The following COMMD10 variants were observed in gnomAD, a reference collection of about 807,000 sequenced individuals.
The protein encoded by COMMD10 is COMM domain containing 10, also known as COMM domain-containing protein 10.
COMMD10 carries 33 observed loss-of-function variants against 28.9 expected under a neutral mutation model. The ratio of observed to expected loss-of-function variants is 1.14; its 90% CI spans 0.87 to 1.53. The LOEUF (loss-of-function observed/expected upper bound fraction) is 1.53, where lower values mean the gene tolerates loss of function less well. Among genes scored for constraint, COMMD10 ranks in the 40% most tolerant of loss-of-function variants. COMMD10 has a pLI of 0.00. For synonymous variants in COMMD10, 110 were observed against 81.7 expected (o/e 1.35, Z -1.87); for missense variants, 310 against 233.4 (o/e 1.33, Z -2.14).
chr5:116,272,537 A>G (rs1469791607), intron 5 of COMMD10, among the ~76,000 whole-genome samples: 1 of 151,692 alleles, frequency 6.6e-6, no homozygotes, highest in Non-Finnish European at 1.5e-5. Flanking sequence ...ATCCCAGAAC[A>G]CTGTTGCCAT....
At chr5:116,104,130 G>A (rs1197778671) in intron 4 of COMMD10, among the ~76,000 whole-genome samples, 1 of 152,260 alleles carries the variant, frequency 6.6e-6, no homozygotes, top group East Asian at 1.9e-4. Context: ...GGCTATGTGG[G>A]CTCCTTTTGG....
Position 116,085,031 on chromosome 5 carries a change from C to G in COMMD10, c.-22C>G. 1 of 1,602,568 alleles carries G rather than the reference C, an allele frequency of 6.2e-7. No individual in the cohort carries two copies. The highest frequency in any genetic ancestry group is 2.3e-5 in the East Asian group (1 of 44,390). On this transcript the variant is annotated 5_prime_UTR_variant, in exon 1 of 7. Transcript: ENST00000274458. ...TGGGTTCGGCGCAGCTAACAGACGG[C>G]GGCAGTGCGAGAAAGCCGAAGATGG... is the stretch of plus-strand genomic sequence containing the variant.
intron 5 of COMMD10, among the ~76,000 whole-genome samples, chr5:116,156,507 C>T (rs766647610): frequency 2.0e-4 from 30 of 152,240 alleles, no homozygotes; most frequent in African/African-American, 7.2e-4. Flanking sequence ...CAGGTTCTTA[C>T]AACACCATTA....
chr5:116,223,685 G>T (rs947441739), intron 5 of COMMD10, among the ~76,000 whole-genome samples: 9 of 152,148 alleles, frequency 5.9e-5, no homozygotes, highest in African/African-American at 2.2e-4. Flanking sequence ...GAATGTTATT[G>T]GAGTGTAGGA....
intron 5 of COMMD10, among the ~76,000 whole-genome samples, chr5:116,282,581 A>C (rs1304945224): frequency 6.6e-6 from 1 of 151,890 alleles, no homozygotes; most frequent in African/African-American, 2.4e-5. Context: ...ACAAAGTAAC[A>C]CAAACGAGGT....
intron 5 of COMMD10, among the ~76,000 whole-genome samples, chr5:116,196,926 A>G (rs1041935910): frequency 1.3e-5 from 2 of 152,176 alleles, no homozygotes; most frequent in African/African-American, 4.8e-5. Context: ...TACTAAATTA[A>G]GCTTAGGAGC....
At chr5:116,219,894 A>AT (rs953996400) in intron 5 of COMMD10, among the ~76,000 whole-genome samples, 12 of 151,990 alleles carry the variant, frequency 7.9e-5, no homozygotes, top group African/African-American at 2.7e-4. Flanking sequence ...TCTTTCTGGT[A>AT]TTTTTTTCAA....
chr5:116,090,586 G>A (rs940916460), intron 2 of COMMD10, among the ~76,000 whole-genome samples: 2 of 152,170 alleles, frequency 1.3e-5, no homozygotes, highest in Non-Finnish European at 2.9e-5. Flanking sequence ...AGTTTTGAGA[G>A]GTCAGCTCTC....
At chr5:116,256,260 A>T (rs541207426) in intron 5 of COMMD10, among the ~76,000 whole-genome samples, 1 of 151,828 alleles carries the variant, frequency 6.6e-6, no homozygotes, top group African/African-American at 2.4e-5. Context: ...GATCTTGAAG[A>T]CTAGTGGAAA....
At chr5:116,205,272 A>C (rs1195027979) in intron 5 of COMMD10, among the ~76,000 whole-genome samples, 4 of 152,128 alleles carry the variant, frequency 2.6e-5, no homozygotes, top group African/African-American at 9.7e-5. Flanking sequence ...CATTTTTCTG[A>C]CCATTATACG....
chr5:116,149,441 A>G (rs1752444759), intron 5 of COMMD10, among the ~76,000 whole-genome samples: 2 of 148,370 alleles, frequency 1.3e-5, no homozygotes, highest in Admixed American at 1.3e-4. Flanking sequence ...ACAGACTTCC[A>G]CAATGGTTGA....
chr5:116,155,822 T>A (rs1462717546), intron 5 of COMMD10, among the ~76,000 whole-genome samples: 1 of 152,080 alleles, frequency 6.6e-6, no homozygotes, highest in Non-Finnish European at 1.5e-5. Context: ...GGGTTTACCT[T>A]TATATTAGGA....
At position 116,269,964 on chromosome 5, in the gene COMMD10, G is replaced by A. The variant is rs1750708764; in HGVS notation, c.511-21553G>A. ...CTCTGTCACAAATTTGAAAGGAAGG[G>A]AAAAGATGTATTAATTGCCATTTTT... On this transcript the variant is annotated intron_variant, in intron 5 of 6. Transcript: ENST00000274458. 2.0e-5 allele frequency among the ~76,000 whole-genome samples: 3 copies of A among 151,778 alleles called. No homozygotes were observed. The South Asian group carries it at 6.2e-4, about 31-fold the overall frequency.
chr5:116,101,357 A>G (rs1286756670), intron 4 of COMMD10, among the ~76,000 whole-genome samples: 6 of 152,014 alleles, frequency 3.9e-5, no homozygotes, highest in Admixed American at 3.9e-4. Flanking sequence ...ACTATTTTCC[A>G]TAAGAGTTCT....
At chr5:116,136,909 T>C (rs1315689946) in intron 5 of COMMD10, among the ~76,000 whole-genome samples, 3 of 152,120 alleles carry the variant, frequency 2.0e-5, no homozygotes, top group Admixed American at 1.3e-4. Context: ...GTGACTTCTT[T>C]GTATTGTCTT....
chr5:116,214,904 A>T (rs573320969), intron 5 of COMMD10, among the ~76,000 whole-genome samples: 26 of 152,140 alleles, frequency 1.7e-4, no homozygotes, highest in Non-Finnish European at 2.5e-4. Flanking sequence ...AGCTAAGTGA[A>T]GCAGATTTTC....
At chr5:116,282,238 A>G (rs1405808301) in intron 5 of COMMD10, among the ~76,000 whole-genome samples, 4 of 151,788 alleles carry the variant, frequency 2.6e-5, no homozygotes, top group Non-Finnish European at 5.9e-5. Context: ...CAAGTCTGTC[A>G]TCAAGTGCTG....
intron 5 of COMMD10, among the ~76,000 whole-genome samples, chr5:116,248,420 A>ACC (rs1163487762): frequency 2.0e-5 from 3 of 152,030 alleles, no homozygotes; most frequent in Non-Finnish European, 2.9e-5. Context: ...CAGAAAAAGA[A>ACC]TTAAGGTTAT....
chr5:116,237,549 C>CT (rs1749700982), intron 5 of COMMD10, among the ~76,000 whole-genome samples: 1 of 151,850 alleles, frequency 6.6e-6, no homozygotes, highest in Non-Finnish European at 1.5e-5. Flanking sequence ...ATGGCACATG[C>CT]TATATAGTCC....
Sources: gnomAD v4.1 joint callset for allele counts (sites outside exome capture counted in the v4.1 genomes callset) on GRCh38, gnomAD v4.1.1 for gene constraint, MANE v1.5 for transcripts, NCBI Gene and HGNC (gene_info 2026-07-23, HGNC 2026-07-21) for gene names.